The following KSR2 variants were observed in gnomAD, a reference collection of about 807,000 sequenced individuals.
KSR2 encodes kinase suppressor of ras 2.
Under a neutral mutation model 107.8 loss-of-function variants are expected in KSR2, and 25 were observed. The ratio of observed to expected loss-of-function variants is 0.23; its 90% confidence interval spans 0.17 to 0.32. The LOEUF is 0.32. Ranked by LOEUF, KSR2 falls within the 10% of genes least tolerant of loss-of-function variation. KSR2 has a pLI of 1.00. For missense variants in KSR2, 887 were observed against 1,268.9 expected, an observed-to-expected ratio of 0.70 and a Z score of 4.57; for synonymous variants, 480 against 507.0, an observed-to-expected ratio of 0.95 and a Z score of 0.71.
chr12:117,478,501 C>A (rs1871944666), intron 16 of KSR2, among the ~76,000 whole-genome samples: 1 of 151,904 alleles, frequency 6.6e-6, no homozygotes, highest in African/African-American at 2.4e-5. Context: ...GAGGTGAGAT[C>A]ATAGTTCATG....
chr12:117,618,258 T>C (rs1325329149), intron 5 of KSR2, among the ~76,000 whole-genome samples: 1 of 152,106 alleles, frequency 6.6e-6, no homozygotes, highest in Non-Finnish European at 1.5e-5. Context: ...ATTTCTAGTT[T>C]ACCCTTACTC....
intron 5 of KSR2, among the ~76,000 whole-genome samples, 195 bp from the exon 6 acceptor site, chr12:117,582,554 G>C (rs1352708771): frequency 6.6e-6 from 1 of 152,236 alleles, no homozygotes; most frequent in Admixed American, 6.5e-5. Context: ...GGGCAGGGCT[G>C]CCAGGGGATG....
intron 4 of KSR2, among the ~76,000 whole-genome samples, chr12:117,714,944 T>G (rs1023830539): frequency 6.6e-6 from 1 of 152,180 alleles, no homozygotes; most frequent in African/African-American, 2.4e-5. Flanking sequence ...CCCCATCATG[T>G]GTCCTGGCTT....
At chr12:117,823,586 T>C (rs1031693489) in intron 3 of KSR2, among the ~76,000 whole-genome samples, 7 of 152,186 alleles carry the variant, frequency 4.6e-5, no homozygotes, top group Admixed American at 4.6e-4. Flanking sequence ...AGTTCAGTTT[T>C]AGGCATGATG....
chr12:117,818,339 GGACTCT>G (rs1891446767), intron 3 of KSR2, among the ~76,000 whole-genome samples: 1 of 152,098 alleles, frequency 6.6e-6, no homozygotes, highest in South Asian at 2.1e-4. Context: ...CTACAACCAA[GGACTCT>G]GAGGGTTTGT....
At chr12:117,557,992 G>C (rs1877825259) in intron 8 of KSR2, among the ~76,000 whole-genome samples, 2 of 152,262 alleles carry the variant, frequency 1.3e-5, no homozygotes, top group Non-Finnish European at 1.5e-5. Flanking sequence ...GGCTCTCCCA[G>C]GGCTGCTACT....
intron 1 of KSR2, among the ~76,000 whole-genome samples, chr12:117,949,121 CAT>C (rs1045748727): frequency 2.0e-5 from 3 of 151,670 alleles, no homozygotes; most frequent in African/African-American, 2.4e-5. Flanking sequence ...AAAATAAAAA[CAT>C]ATATAAATAA....
chr12:117,968,235 C>A lies in KSR2; in HGVS notation c.21G>T (p.Thr7=). 6.9e-7 allele frequency: 1 copy of A among 1,457,728 alleles called. No individual in the cohort carries two copies. Among genetic ancestry groups the A allele is most frequent in the South Asian group, 1.2e-5 (1 of 86,682 alleles). 90.3% of individuals were successfully genotyped at this position (1,457,728 alleles called of 1,614,324 possible). A position where few individuals can be genotyped will look rare whatever the true frequency, so the allele number is the denominator to read the frequency against. Reference sequence around the variant, plus strand: ...TCAGAGGCTGCTGCTCCTCGCTTTTCGTCATGTTTTCCTCATCCATCGCTT... The same window carrying A: ...TCAGAGGCTGCTGCTCCTCGCTTTTAGTCATGTTTTCCTCATCCATCGCTT... MDEENM[T]KSEEQQPLSL... Residue 7 remains threonine, a synonymous_variant, in exon 1 of 20, where the codon ACG becomes ACT. Coordinates refer to ENST00000339824, the MANE Select transcript of KSR2 (RefSeq NM_173598.6).
chr12:117,912,986 C>T (rs1895066424), intron 1 of KSR2, among the ~76,000 whole-genome samples: 1 of 152,138 alleles, frequency 6.6e-6, no homozygotes, highest in Admixed American at 6.5e-5. Context: ...CAGTTTGTTC[C>T]AAATTAACCT....
Position 117,734,950 on chromosome 12 carries a change from C to T in KSR2, c.986+26061G>A, listed in dbSNP as rs539487436. ...TGTGGTTACTTTGTGTCTATCATGC[C>T]GAAGCCACACACTTGGTGTTGAGCA... On this transcript the variant is annotated intron_variant, in intron 4 of 19. Coordinates refer to ENST00000339824, the MANE Select transcript of KSR2 (RefSeq NM_173598.6). 2.8e-4 allele frequency among the ~76,000 whole-genome samples: 43 copies of T among 152,212 alleles called. No homozygotes were observed. In the East Asian group the frequency reaches 2.9e-3, roughly 10 times the overall value.
chr12:117,606,321 CT>C (rs1881228457), intron 5 of KSR2, among the ~76,000 whole-genome samples: 1 of 136,270 alleles, frequency 7.3e-6, no homozygotes, highest in East Asian at 2.4e-4. Flanking sequence ...TCCTTCCCTA[CT>C]TTCTTCCTTC....
At chr12:117,700,818 C>A (rs1483507422) in intron 4 of KSR2, among the ~76,000 whole-genome samples, 1 of 152,162 alleles carries the variant, frequency 6.6e-6, no homozygotes, top group Non-Finnish European at 1.5e-5. Context: ...ATCCTCTTAG[C>A]AGGTTTTTGT....
chr12:117,503,777 T>C (rs1022172637), intron 14 of KSR2, among the ~76,000 whole-genome samples: 4 of 152,154 alleles, frequency 2.6e-5, no homozygotes, highest in African/African-American at 9.7e-5. Context: ...GGTTGATTGA[T>C]AGACCCCAAA....
intron 1 of KSR2, among the ~76,000 whole-genome samples, chr12:117,910,704 T>C (rs1323640495): frequency 6.6e-6 from 1 of 152,228 alleles, no homozygotes; most frequent in Non-Finnish European, 1.5e-5. Context: ...CAGTATTATA[T>C]AGCGTCATGG....
At chr12:117,824,541 T>C (rs769873692) in intron 3 of KSR2, among the ~76,000 whole-genome samples, 2 of 152,162 alleles carry the variant, frequency 1.3e-5, no homozygotes, top group African/African-American at 4.8e-5. Flanking sequence ...ACACTTATTA[T>C]GCATTAATAA....
intron 3 of KSR2, among the ~76,000 whole-genome samples, chr12:117,781,045 G>C (rs1168645268): frequency 6.6e-6 from 1 of 152,198 alleles, no homozygotes; most frequent in African/African-American, 2.4e-5. Flanking sequence ...CCCAGTGAGA[G>C]GTAATTAAAT....
chr12:117,799,040 C>A (rs1293525503), intron 3 of KSR2, among the ~76,000 whole-genome samples: 5 of 152,078 alleles, frequency 3.3e-5, no homozygotes, highest in Non-Finnish European at 7.4e-5. Context: ...ATAGGCAAAT[C>A]CATAGTGGAT....
intron 4 of KSR2, among the ~76,000 whole-genome samples, chr12:117,721,507 A>G (rs1887204603): frequency 6.6e-6 from 1 of 152,208 alleles, no homozygotes; most frequent in African/African-American, 2.4e-5. Context: ...AATAAGACAT[A>G]AAATAATTCT....
At position 117,746,534 on chromosome 12, in the gene KSR2, T is replaced by G. The variant is rs1021593811; in HGVS notation, c.986+14477A>C. Among the ~76,000 whole-genome samples the G allele has an allele frequency of 9.8e-5, 15 of 152,320 alleles. No homozygotes were observed. In the East Asian group the frequency reaches 2.7e-3, roughly 27 times the overall value. ...GACATAGGCAAGGGCAAGGACTTCA[T>G]GACTAACACATCAAATGCAATTGCA... On this transcript the variant is annotated intron_variant, in intron 4 of 19. Coordinates refer to ENST00000339824, the MANE Select transcript of KSR2 (RefSeq NM_173598.6).
Sources: allele counts gnomAD v4.1 joint callset (sites outside exome capture counted in the v4.1 genomes callset), GRCh38; gene constraint gnomAD v4.1.1; transcripts MANE v1.5; gene names NCBI Gene and HGNC (gene_info 2026-07-23, HGNC 2026-07-21).